COX7B2: variants seen among roughly 807,000 people sequenced by gnomAD.
The protein encoded by COX7B2 is cytochrome c oxidase subunit 7B2.
For missense variants in COX7B2, 109 were observed against 95.9 expected (o/e 1.14, Z -0.57); for synonymous variants, 37 against 32.1 (o/e 1.15, Z -0.51).
chr4:46,822,493 T>C (rs1714371629), intron 2 of COX7B2, among the ~76,000 whole-genome samples: 2 of 152,134 alleles, frequency 1.3e-5, no homozygotes, highest in African/African-American at 2.4e-5. Context: ...CCTGGATGAA[T>C]GTTTGCCCAC....
chr4:46,861,048 T>C (rs1240774321), intron 1 of COX7B2, among the ~76,000 whole-genome samples: 2 of 152,216 alleles, frequency 1.3e-5, no homozygotes, highest in East Asian at 3.8e-4. Context: ...CATTGGCATA[T>C]CCTTCTAAGA....
chr4:46,824,924 T>C (rs1714576492), intron 2 of COX7B2, among the ~76,000 whole-genome samples: 3 of 151,998 alleles, frequency 2.0e-5, no homozygotes. Context: ...CAACCAACGT[T>C]ATATTGAATA....
intron 2 of COX7B2, among the ~76,000 whole-genome samples, chr4:46,752,179 A>G (rs1715427108): frequency 6.6e-6 from 1 of 152,102 alleles, no homozygotes; most frequent in Non-Finnish European, 1.5e-5. Context: ...TCTTTGAAGC[A>G]ATTGTGAATG....
chr4:46,795,395 T>C (rs1231932902), intron 2 of COX7B2, among the ~76,000 whole-genome samples: 1 of 62,800 alleles, frequency 1.6e-5, no homozygotes, highest in African/African-American at 7.9e-5. Context: ...AAGGAAGGGA[T>C]CCAGTTTCAG....
At chr4:46,782,507 GGATGT>G (rs1717526585) in intron 2 of COX7B2, among the ~76,000 whole-genome samples, 6 of 125,864 alleles carry the variant, frequency 4.8e-5, no homozygotes, top group African/African-American at 1.8e-4. Context: ...CCAATCAGCA[GGATGT>G]TGGGGGCGGG....
chr4:46,806,558 C>A (rs1719005295), intron 2 of COX7B2, among the ~76,000 whole-genome samples: 1 of 152,074 alleles, frequency 6.6e-6, no homozygotes, highest in African/African-American at 2.4e-5. Flanking sequence ...AGAACAGCTA[C>A]ACATTTAGCA....
intron 1 of COX7B2, among the ~76,000 whole-genome samples, chr4:46,856,742 G>A (rs776611986): frequency 1.3e-5 from 2 of 152,136 alleles, no homozygotes; most frequent in Non-Finnish European, 2.9e-5. Context: ...TTTTTGGTTT[G>A]TTTTGAATAA....
At chr4:46,754,497 G>A (rs964246245) in intron 2 of COX7B2, among the ~76,000 whole-genome samples, 2 of 122,008 alleles carry the variant, frequency 1.6e-5, no homozygotes, top group African/African-American at 6.3e-5. Context: ...CTCACTCATA[G>A]TTGGGAACTG....
At chr4:46,751,422 A>G (rs890160003) in intron 2 of COX7B2, among the ~76,000 whole-genome samples, 8 of 151,914 alleles carry the variant, frequency 5.3e-5, no homozygotes, top group Non-Finnish European at 1.2e-4. Flanking sequence ...TTCTCCTTTC[A>G]CTTCTAGCAA....
At chr4:46,812,415 T>G (rs1719331335) in intron 2 of COX7B2, among the ~76,000 whole-genome samples, 1 of 150,712 alleles carries the variant, frequency 6.6e-6, no homozygotes, top group African/African-American at 2.4e-5. Context: ...CCCAGAAACT[T>G]GGGCACAGCT....
intron 1 of COX7B2, among the ~76,000 whole-genome samples, chr4:46,879,132 T>A (rs2109842212): frequency 6.6e-6 from 1 of 152,216 alleles, no homozygotes; most frequent in Middle Eastern, 3.4e-3. Flanking sequence ...TTTTTTTTGT[T>A]TGTTTTTTTG....
chr4:46,832,105 T>C (rs780054895), intron 2 of COX7B2, among the ~76,000 whole-genome samples: 1 of 152,136 alleles, frequency 6.6e-6, no homozygotes, highest in Non-Finnish European at 1.5e-5. Context: ...CAGCCAGCAG[T>C]GGCAACCTGC....
rs1245774967 is a variant in COX7B2 at position 46,734,980 on chromosome 4, G to A, written c.213C>T (p.Gly71=). 3.7e-6 allele frequency: 6 copies of A among 1,614,024 alleles called. No homozygotes were observed. Among genetic ancestry groups the A allele is most frequent in the Non-Finnish European group, 5.1e-6 (6 of 1,179,948 alleles). The change falls in exon 3 of 3, where the codon GGC becomes GGT. Residue 71 remains glycine, a synonymous_variant. Transcript: ENST00000355591. ...GTTTCCACTCTTTTGGGGTAACTCT[G>A]CCAACAGGGGATAGGTTCCATTCTA... ...IGIEWNLSPV[G]RVTPKEWKHQ
intron 1 of COX7B2, among the ~76,000 whole-genome samples, chr4:46,846,420 C>T (rs535239603): frequency 6.6e-6 from 1 of 151,852 alleles, no homozygotes; most frequent in Admixed American, 6.6e-5. Context: ...ATAAAGGACA[C>T]TTGGAACACA....
chr4:46,856,779 T>C (rs866508712), intron 1 of COX7B2, among the ~76,000 whole-genome samples: 6 of 152,184 alleles, frequency 3.9e-5, no homozygotes, highest in African/African-American at 1.4e-4. Context: ...GGCAAAGCTA[T>C]TAAGATAAAT....
At chr4:46,903,559 C>T (rs932554934) in intron 1 of COX7B2, among the ~76,000 whole-genome samples, 1 of 152,086 alleles carries the variant, frequency 6.6e-6, no homozygotes, top group African/African-American at 2.4e-5. Flanking sequence ...CATTTACTCA[C>T]TACTCACTCA....
At chr4:46,754,720 G>GTATATATATATATA (rs1244503006) in intron 2 of COX7B2, among the ~76,000 whole-genome samples, 68 of 36,780 alleles carry the variant, frequency 1.8e-3, no homozygotes, top group African/African-American at 5.2e-3. Flanking sequence ...GTGTGTGTGT[G>GTATATATATATATA]TGTGTGTGTA....
intron 2 of COX7B2, among the ~76,000 whole-genome samples, chr4:46,808,833 A>T (rs1719141911): frequency 6.6e-6 from 1 of 151,944 alleles, no homozygotes; most frequent in African/African-American, 2.4e-5. Context: ...GTGATGTATC[A>T]CATTGATTGA....
At chr4:46,741,040 A>C in intron 2 of COX7B2, among the ~76,000 whole-genome samples, 1 of 152,106 alleles carries the variant, frequency 6.6e-6, no homozygotes, top group Non-Finnish European at 1.5e-5. Context: ...AGGCATCTTC[A>C]AAAGGATTTG....
Sources: allele counts gnomAD v4.1 joint callset (sites outside exome capture counted in the v4.1 genomes callset), GRCh38; gene constraint gnomAD v4.1.1; transcripts MANE v1.5; gene names NCBI Gene and HGNC (gene_info 2026-07-23, HGNC 2026-07-21).